Variants in ATF7 observed in about 807,000 individuals in gnomAD.
ATF7 encodes activating transcription factor 7.
Under a neutral mutation model 50.4 loss-of-function variants are expected in ATF7, and 10 were observed. The ratio of observed to expected loss-of-function variants is 0.20; its 90% CI spans 0.12 to 0.34. The LOEUF is 0.34. Ranked by LOEUF, ATF7 falls within the 10% of genes least tolerant of loss-of-function variation. ATF7 has a pLI of 1.00. For synonymous variants in ATF7, 201 were observed against 226.4 expected, an observed-to-expected ratio of 0.89 and a Z score of 1.01; for missense variants, 465 against 613.9, an observed-to-expected ratio of 0.76 and a Z score of 2.56.
intron 1 of ATF7, among the ~76,000 whole-genome samples, chr12:53,606,808 G>A (rs1370105465): frequency 1.4e-5 from 2 of 144,556 alleles, no homozygotes; most frequent in East Asian, 4.1e-4. Flanking sequence ...GTGAGAACAT[G>A]CGGTGTTTGG....
At position 53,524,836 on chromosome 12, in the gene ATF7, G is replaced by A; in HGVS notation, c.928-75C>T. On this transcript the variant is annotated intron_variant, in intron 9 of 11. Transcript: ENST00000420353. The surrounding 1 kb of genome is among the most constrained non-coding windows in gnomAD (Gnocchi z 4.6). ...TCCAAATCACACCTGATGTTAGGTA[G>A]AGTAGTAAGATCTGGTAAAAGGATA... The A allele has an allele frequency of 7.6e-7, 1 of 1,308,460 alleles. No homozygotes were observed. The highest frequency in any genetic ancestry group is 1.0e-6 in the Non-Finnish European group (1 of 973,922). The allele number at this position is 1,308,460 out of a possible 1,614,324, so 81.1% of individuals were successfully genotyped here.
chr12:53,579,949 T>C (rs1942317841), intron 2 of ATF7, among the ~76,000 whole-genome samples: 1 of 152,134 alleles, frequency 6.6e-6, no homozygotes, highest in Non-Finnish European at 1.5e-5. Flanking sequence ...TTTATCTTTT[T>C]TTTTGAGACG....
At chr12:53,612,067 C>T (rs1943903771) in intron 1 of ATF7, among the ~76,000 whole-genome samples, 1 of 151,932 alleles carries the variant, frequency 6.6e-6, no homozygotes, top group Non-Finnish European at 1.5e-5. Context: ...CCTCCACCTC[C>T]TGGGTTCCAG....
At chr12:53,543,260 T>C (rs1565936784) in intron 4 of ATF7, 70 bp downstream of exon 4, 2 of 1,551,750 alleles carry the variant, frequency 1.3e-6, no homozygotes, top group African/African-American at 2.7e-5. Context: ...AAGAAAATTA[T>C]CCCAAAGCAC....
At chr12:53,600,579 A>T (rs1459574602) in intron 2 of ATF7, among the ~76,000 whole-genome samples, 1 of 152,162 alleles carries the variant, frequency 6.6e-6, no homozygotes, top group Admixed American at 6.5e-5. Context: ...TGATCTGCCC[A>T]TCTCGGCCTC....
At chr12:53,521,236 C>A (rs1474101787) in intron 11 of ATF7, among the ~76,000 whole-genome samples, 1 of 152,194 alleles carries the variant, frequency 6.6e-6, no homozygotes, top group Non-Finnish European at 1.5e-5. Context: ...AGGTGATACG[C>A]CTGCCTTGGC....
chr12:53,604,810 C>A (rs752322878), intron 1 of ATF7, among the ~76,000 whole-genome samples: 15 of 152,162 alleles, frequency 9.9e-5, no homozygotes, highest in Non-Finnish European at 1.9e-4. Flanking sequence ...ATCATTCATT[C>A]ATTCATTAAT....
rs1277616094 is a variant in ATF7 at position 53,586,598 on chromosome 12, A to G, written c.48+14355T>C. 2.6e-5 allele frequency among the ~76,000 whole-genome samples: 4 copies of G among 152,208 alleles called. No homozygotes were observed. In the East Asian group the frequency reaches 5.8e-4, roughly 22 times the overall value. ...TTATTGTCAGTGAGCTTGAGAACAGAGACATAAAATGGAGGTAATCAAAGC... is the reference window on the plus strand; with the variant it reads ...TTATTGTCAGTGAGCTTGAGAACAGGGACATAAAATGGAGGTAATCAAAGC... On this transcript the variant is annotated intron_variant, in intron 2 of 11. Coordinates refer to ENST00000420353, the MANE Select transcript of ATF7 (RefSeq NM_006856.3).
intron 3 of ATF7, among the ~76,000 whole-genome samples, chr12:53,543,669 G>C (rs1829455470): frequency 6.6e-6 from 1 of 152,080 alleles, no homozygotes; most frequent in Non-Finnish European, 1.5e-5. Flanking sequence ...GGGGAAGACC[G>C]AACAGTATTT....
At chr12:53,521,379 C>T (rs997267627) in intron 11 of ATF7, among the ~76,000 whole-genome samples, 9 of 152,118 alleles carry the variant, frequency 5.9e-5, no homozygotes, top group South Asian at 2.1e-4. Context: ...TGATGAGACC[C>T]TACATAAAAT....
intron 2 of ATF7, among the ~76,000 whole-genome samples, chr12:53,571,653 A>G (rs997265075): frequency 3.3e-5 from 5 of 151,434 alleles, no homozygotes; most frequent in African/African-American, 1.2e-4. Flanking sequence ...AAAAAAAAAA[A>G]GGGAGCAGGG....
rs1204593056 is a variant in ATF7 at position 53,552,567 on chromosome 12, G to C, written c.119C>G (p.Ala40Gly). 1 of 1,613,854 alleles carries C rather than the reference G, an allele frequency of 6.2e-7. No homozygotes were observed. Among genetic ancestry groups the C allele is most frequent in the Admixed American group, 1.7e-5 (1 of 59,996 alleles). Residue 40 changes from alanine (A) to glycine (G), a missense_variant, in exon 3 of 12, where the codon GCC (alanine) becomes GGC (glycine). Transcript: ENST00000420353. ...TGCAATGATGACTGAGTCAGTTCGGGCTGGGCCAAATTTCAATGTCATCTC... is the reference window on the plus strand; with the variant it reads ...TGCAATGATGACTGAGTCAGTTCGGCCTGGGCCAAATTTCAATGTCATCTC... ...KHEMTLKFGP[A>G]RTDSVIIADQ... is the part of the protein sequence containing the mutation.
intron 6 of ATF7, among the ~76,000 whole-genome samples, chr12:53,533,584 G>A (rs1177332336): frequency 2.0e-5 from 3 of 152,168 alleles, no homozygotes; most frequent in African/African-American, 7.2e-5. Context: ...GATCAAAGTC[G>A]TCATTTTGCA....
intron 2 of ATF7, among the ~76,000 whole-genome samples, chr12:53,570,302 A>T (rs1203632183): frequency 6.6e-6 from 1 of 152,192 alleles, no homozygotes; most frequent in Non-Finnish European, 1.5e-5. Flanking sequence ...GGAAGTGCTA[A>T]TGGGATCCTA....
At chr12:53,572,226 C>T (rs1941803804) in intron 2 of ATF7, among the ~76,000 whole-genome samples, 1 of 152,132 alleles carries the variant, frequency 6.6e-6, no homozygotes, top group Non-Finnish European at 1.5e-5. Context: ...AAAAGCTGAA[C>T]TGAAAAATCT....
intron 1 of ATF7, among the ~76,000 whole-genome samples, chr12:53,619,956 G>A (rs1243668984): frequency 6.6e-6 from 1 of 151,936 alleles, no homozygotes; most frequent in Non-Finnish European, 1.5e-5. Context: ...GACCAGCCTG[G>A]GAAACATGAT....
intron 11 of ATF7, among the ~76,000 whole-genome samples, chr12:53,519,007 T>C (rs949884992): frequency 1.3e-5 from 2 of 151,454 alleles, no homozygotes; most frequent in African/African-American, 4.9e-5. Context: ...TGAGCCGAGA[T>C]TGTGCCACTG....
chr12:53,530,423 G>T (rs549246346), intron 9 of ATF7, among the ~76,000 whole-genome samples: 4 of 152,254 alleles, frequency 2.6e-5, no homozygotes, highest in African/African-American at 9.6e-5. Flanking sequence ...AGTTTCCAAA[G>T]AATCTTGTTA....
At chr12:53,566,414 T>C in intron 2 of ATF7, among the ~76,000 whole-genome samples, 1 of 152,222 alleles carries the variant, frequency 6.6e-6, no homozygotes, top group Non-Finnish European at 1.5e-5. Context: ...AAGATATTCC[T>C]TTTTCCTATG....
Sources: allele counts gnomAD v4.1 joint callset (sites outside exome capture counted in the v4.1 genomes callset), GRCh38; gene constraint gnomAD v4.1.1; non-coding constraint Gnocchi (gnomAD v3.1); transcripts MANE v1.5; gene names NCBI Gene and HGNC (gene_info 2026-07-23, HGNC 2026-07-21).